Variants in LGR6 observed in about 807,000 individuals in gnomAD.
LGR6 encodes the protein leucine rich repeat containing G protein-coupled receptor 6.
Under a neutral mutation model 69.4 loss-of-function variants are expected in LGR6, and 45 were observed. The observed-to-expected ratio is 0.65, with a 90% CI of 0.51 to 0.83. LGR6 has a LOEUF of 0.83. Among genes scored for constraint, LGR6 ranks in the 40% least tolerant of loss-of-function variants. The pLI, the probability that LGR6 is intolerant of heterozygous loss-of-function variation, is 0.00. For synonymous variants in LGR6, 538 were observed against 555.0 expected (o/e 0.97, Z 0.43); for missense variants, 1,108 against 1,246.7 (o/e 0.89, Z 1.68).
intron 14 of LGR6, 108 bp downstream of exon 14, chr1:202,307,509 G>A: frequency 1.1e-6 from 1 of 874,440 alleles, no homozygotes; most frequent in Non-Finnish European, 1.9e-6. Flanking sequence ...GCATATCCCA[G>A]GGAGATGGGC....
At chr1:202,282,044 G>A (rs1460661269) in intron 6 of LGR6, among the ~76,000 whole-genome samples, 1 of 152,210 alleles carries the variant, frequency 6.6e-6, no homozygotes, top group African/African-American at 2.4e-5. Flanking sequence ...CAGAAGTGTG[G>A]CTGCTTTCTT....
chr1:202,232,866 A>G (rs1661205522), intron 3 of LGR6, among the ~76,000 whole-genome samples: 1 of 152,200 alleles, frequency 6.6e-6, no homozygotes, highest in Non-Finnish European at 1.5e-5. Flanking sequence ...AGGGCAAGTT[A>G]CCTTCCCTCT....
intron 6 of LGR6, among the ~76,000 whole-genome samples, chr1:202,284,342 T>C (rs1404572605): frequency 6.6e-6 from 1 of 152,156 alleles, no homozygotes; most frequent in Non-Finnish European, 1.5e-5. Flanking sequence ...TGCTGGGAAA[T>C]TGAGAATCAG....
At chr1:202,220,854 C>T (rs902716394) in intron 1 of LGR6, among the ~76,000 whole-genome samples, 1 of 152,086 alleles carries the variant, frequency 6.6e-6, no homozygotes, top group African/African-American at 2.4e-5. Context: ...ATCAGACACA[C>T]ACACACACAC....
chr1:202,259,012 T>C (rs1298294672), intron 4 of LGR6, among the ~76,000 whole-genome samples: 1 of 152,108 alleles, frequency 6.6e-6, no homozygotes, highest in Admixed American at 6.5e-5. Context: ...AAGTTTTAAA[T>C]GTTGCTGAGT....
intron 4 of LGR6, among the ~76,000 whole-genome samples, chr1:202,271,059 G>T (rs190889613): frequency 1.7e-4 from 26 of 152,264 alleles, no homozygotes; most frequent in African/African-American, 5.8e-4. Context: ...TCACTTGAGG[G>T]GCCAGGTCCA....
At chr1:202,215,020 T>TGCGC (rs1553239912) in intron 1 of LGR6, among the ~76,000 whole-genome samples, 2,921 of 135,874 alleles carry the variant, frequency 0.021, 106 homozygotes, top group African/African-American at 0.073. Flanking sequence ...TGTGTGTGTG[T>TGCGC]GCGCGCGCGC....
intron 5 of LGR6, among the ~76,000 whole-genome samples, chr1:202,277,135 T>C (rs757670152): frequency 4.6e-5 from 7 of 152,178 alleles, no homozygotes; most frequent in Non-Finnish European, 8.8e-5. Flanking sequence ...ATAGGGTAAT[T>C]ACTAAAAGGG....
chr1:202,297,637 AGC>A, intron 7 of LGR6, 61 bp downstream of exon 7: 1 of 1,377,658 alleles, frequency 7.3e-7, no homozygotes, highest in Non-Finnish European at 1.0e-6. Context: ...GGCTGAAGCC[AGC>A]CTGAGCTGCC....
At chr1:202,281,984 A>G (rs1182915845) in intron 6 of LGR6, among the ~76,000 whole-genome samples, 1 of 152,206 alleles carries the variant, frequency 6.6e-6, no homozygotes, top group East Asian at 1.9e-4. Flanking sequence ...GAAAAGTAAT[A>G]GGGAGGCTGA....
At chr1:202,205,462 A>ACACACATACCT (rs1659161550) in intron 1 of LGR6, among the ~76,000 whole-genome samples, 1 of 24,640 alleles carries the variant, frequency 4.1e-5, no homozygotes, top group African/African-American at 1.1e-4. Flanking sequence ...ACACACCTCC[A>ACACACATACCT]AACACACACA....
intron 5 of LGR6, among the ~76,000 whole-genome samples, chr1:202,279,780 G>C (rs981940974): frequency 2.0e-5 from 3 of 152,116 alleles, no homozygotes. Flanking sequence ...ATTATCTCAG[G>C]TTTTCTCTCC....
intron 17 of LGR6, among the ~76,000 whole-genome samples, chr1:202,316,058 C>T (rs1366463900): frequency 6.6e-6 from 1 of 152,030 alleles, no homozygotes; most frequent in African/African-American, 2.4e-5. Context: ...AAATATTTCT[C>T]TGGGAAAAAA....
intron 4 of LGR6, among the ~76,000 whole-genome samples, chr1:202,254,181 A>G (rs1462206781): frequency 2.0e-5 from 3 of 150,832 alleles, no homozygotes; most frequent in African/African-American, 7.3e-5. Context: ...CTCCTGGCCT[A>G]GTGATCCACC....
At chr1:202,296,778 T>A (rs1389468313) in intron 6 of LGR6, among the ~76,000 whole-genome samples, 1 of 152,196 alleles carries the variant, frequency 6.6e-6, no homozygotes, top group Non-Finnish European at 1.5e-5. Flanking sequence ...ATTCCTAGAC[T>A]TGGAGTGCCT....
chr1:202,287,394 C>T (rs2148207108), intron 6 of LGR6, among the ~76,000 whole-genome samples: 1 of 152,208 alleles, frequency 6.6e-6, no homozygotes, highest in Middle Eastern at 3.4e-3. Context: ...AACCCCTTAA[C>T]CTTGGCATGT....
intron 2 of LGR6, 57 bp downstream of exon 2, chr1:202,225,551 G>T: frequency 6.8e-7 from 1 of 1,473,244 alleles, no homozygotes; most frequent in South Asian, 1.1e-5. Flanking sequence ...AATATCTCTG[G>T]AACCAGAGCT....
chr1:202,279,898 A>G (rs55768084), intron 5 of LGR6, among the ~76,000 whole-genome samples: 8,303 of 152,198 alleles, frequency 0.055, 307 homozygotes, highest in South Asian at 0.11. Context: ...TCCTTAATCT[A>G]CTGTGTCATT....
At chr1:202,282,445 G>A (rs1262697739) in intron 6 of LGR6, among the ~76,000 whole-genome samples, 1 of 152,202 alleles carries the variant, frequency 6.6e-6, no homozygotes, top group Admixed American at 6.5e-5. Flanking sequence ...TGTGAACTGT[G>A]TGAGCCTGCT....
Sources: gnomAD v4.1 joint callset for allele counts (sites outside exome capture counted in the v4.1 genomes callset) on GRCh38, gnomAD v4.1.1 for gene constraint, MANE v1.5 for transcripts, NCBI Gene and HGNC (gene_info 2026-07-23, HGNC 2026-07-21) for gene names.